Variants in ZSWIM6 observed in about 807,000 individuals in gnomAD.
ZSWIM6 encodes zinc finger SWIM domain-containing protein 6.
A neutral mutation model predicts 113.2 loss-of-function variants in ZSWIM6; 9 were observed. The ratio of observed to expected loss-of-function variants is 0.08; its 90% CI spans 0.05 to 0.14. The LOEUF (loss-of-function observed/expected upper bound fraction) is 0.14, where lower values mean the gene tolerates loss of function less well. Among genes scored for constraint, ZSWIM6 ranks in the 10% least tolerant of loss-of-function variants. The pLI is 1.00. For synonymous variants in ZSWIM6, 611 were observed against 606.5 expected (o/e 1.01, Z -0.11); for missense variants, 1,162 against 1,552.2 (o/e 0.75, Z 4.22).
intron 1 of ZSWIM6, among the ~76,000 whole-genome samples, chr5:61,385,878 C>T (rs1745583561): frequency 2.0e-5 from 3 of 152,252 alleles, no homozygotes; most frequent in Admixed American, 6.5e-5. Context: ...GGATTCGACT[C>T]ATGGCCAGCT....
intron 1 of ZSWIM6, among the ~76,000 whole-genome samples, chr5:61,431,600 C>G (rs1746582006): frequency 6.7e-6 from 1 of 150,328 alleles, no homozygotes; most frequent in African/African-American, 2.5e-5. Flanking sequence ...AAAAAATTAG[C>G]CGGGCGTGGT....
At chr5:61,346,453 T>C (rs1455796773) in intron 1 of ZSWIM6, among the ~76,000 whole-genome samples, 1 of 152,258 alleles carries the variant, frequency 6.6e-6, no homozygotes, top group Non-Finnish European at 1.5e-5. Flanking sequence ...AGCTGACCTA[T>C]TGATATCAAT....
intron 1 of ZSWIM6, among the ~76,000 whole-genome samples, chr5:61,400,586 A>G (rs970390016): frequency 2.0e-5 from 3 of 152,226 alleles, no homozygotes; most frequent in Admixed American, 2.0e-4. Flanking sequence ...ATTGCTCATC[A>G]GCAAGGCCTC....
intron 1 of ZSWIM6, among the ~76,000 whole-genome samples, chr5:61,433,700 C>T (rs1425421067): frequency 1.3e-5 from 2 of 152,022 alleles, no homozygotes; most frequent in Non-Finnish European, 2.9e-5. Flanking sequence ...TCTCAAACGC[C>T]CGACCTCAGG....
chr5:61,483,537 T>A (rs766756655), intron 2 of ZSWIM6, among the ~76,000 whole-genome samples: 1 of 152,144 alleles, frequency 6.6e-6, no homozygotes, highest in Non-Finnish European at 1.5e-5. Context: ...ATGTAAATTG[T>A]CCATTAAAGC....
In ZSWIM6 at chr5:61,429,313, G is replaced by C. The variant is rs553019711; in HGVS notation, c.677-43368G>C. ...AATTTACCTGTATTGTAGTGGCGAT[G>C]CTTAATTCAAGCCACAAGATGGTAG... is the stretch of plus-strand genomic sequence containing the variant. On this transcript the variant is annotated intron_variant, in intron 1 of 13. Transcript: ENST00000252744. Among the ~76,000 whole-genome samples, 9 of 152,328 alleles carry C rather than the reference G, an allele frequency of 5.9e-5. No individual in the cohort carries two copies. The South Asian group carries it at 1.9e-3, about 32-fold the overall frequency.
chr5:61,444,753 C>T (rs1205671356), intron 1 of ZSWIM6, among the ~76,000 whole-genome samples: 1 of 152,142 alleles, frequency 6.6e-6, no homozygotes, highest in African/African-American at 2.4e-5. Flanking sequence ...TCAGCCCTTA[C>T]AATCTCAAGT....
intron 12 of ZSWIM6, among the ~76,000 whole-genome samples, chr5:61,540,916 G>GTTTTTTTTTTTTTTT (rs34749703): frequency 2.1e-5 from 2 of 94,572 alleles, no homozygotes; most frequent in Non-Finnish European, 3.9e-5. Flanking sequence ...TATTTTGTGG[G>GTTTTTTTTTTTTTTT]TTTTTTTTTT....
chr5:61,496,583 G>A (rs1332363840), intron 4 of ZSWIM6, among the ~76,000 whole-genome samples: 2 of 152,016 alleles, frequency 1.3e-5, no homozygotes, highest in East Asian at 3.9e-4. Flanking sequence ...GAGTTTTGTC[G>A]GCAAATGGGA....
In ZSWIM6 at chr5:61,332,696, G is replaced by C; in HGVS notation, c.424G>C (p.Gly142Arg). The change falls in exon 1 of 14, where the codon GGT becomes CGT. Residue 142 changes from glycine to arginine, a missense_variant. Gly to Arg is a moderately radical substitution (Grantham distance 125, BLOSUM62 -2). Around this residue, in one of 4 missense-constraint regions of ZSWIM6, gnomAD observed 333 missense variants for 293.4 expected, o/e 1.13. Transcript: ENST00000252744. ...CGCGGGCGGCCCCGGCGACGACAGC[G>C]GTGGCGGCGGCGGCGCGGGCGGCGG... is the stretch of plus-strand genomic sequence containing the variant. Reference protein sequence around the residue: ...GAAGGPGDDSGGGGGAGGGGG... With the variant: ...GAAGGPGDDSRGGGGAGGGGG... 1.0e-6 allele frequency: 1 copy of C among 992,906 alleles called. No individual in the cohort carries two copies. 61.5% of individuals were successfully genotyped at this position (992,906 alleles called of 1,614,324 possible). A position where few individuals can be genotyped will look rare whatever the true frequency, so the allele number is the denominator to read the frequency against.
chr5:61,531,018 T>G (rs897647892), intron 8 of ZSWIM6, among the ~76,000 whole-genome samples: 1 of 152,214 alleles, frequency 6.6e-6, no homozygotes, highest in Non-Finnish European at 1.5e-5. Flanking sequence ...TGATGACTCT[T>G]GGATAATAAA....
intron 2 of ZSWIM6, among the ~76,000 whole-genome samples, chr5:61,489,583 C>T (rs1343068445): frequency 6.6e-6 from 1 of 152,006 alleles, no homozygotes; most frequent in African/African-American, 2.4e-5. Flanking sequence ...TATGAACACA[C>T]AGACACATAA....
chr5:61,336,107 A>G (rs1174919350), intron 1 of ZSWIM6, among the ~76,000 whole-genome samples: 1 of 152,044 alleles, frequency 6.6e-6, no homozygotes, highest in African/African-American at 2.4e-5. Context: ...TACCAAAAAT[A>G]GAAGAACTTA....
rs541773224 is a variant in ZSWIM6 at position 61,469,313 on chromosome 5, G to C, written c.677-3368G>C. ...ATTTAGAAATATTTCTGTCAAAAAT[G>C]GTTGAAATTTTTTGGGCATTTGAAA... On this transcript the variant is annotated intron_variant, in intron 1 of 13. Transcript: ENST00000252744. Among the ~76,000 whole-genome samples the C allele has an allele frequency of 4.3e-4, 66 of 152,258 alleles. 1 individual carries two copies. Among genetic ancestry groups the C allele is most frequent in the African/African-American group, 1.6e-3 (66 of 41,556 alleles).
Position 61,543,188 on chromosome 5 carries a change from GCAGCACAGTACAAATAC to G in ZSWIM6, c.2786-262_2786-246del, listed in dbSNP as rs1347083736. Among the ~76,000 whole-genome samples the G allele has an allele frequency of 6.6e-6, 1 of 152,014 alleles. No homozygotes were observed. Among genetic ancestry groups the G allele is most frequent in the Admixed American group, 6.6e-5 (1 of 15,250 alleles). ...AAAAAGCCATTGTCTGAAATGGCAA[GCAGCACAGTACAAATAC>G]CAGCTACCAAGAGGATTGGTTCTTT... On this transcript the variant is annotated intron_variant, in intron 13 of 13. Transcript: ENST00000252744. The surrounding 1 kb of genome is among the most constrained non-coding windows in gnomAD (Gnocchi z 4.3).
At chr5:61,358,131 G>A (rs1455414872) in intron 1 of ZSWIM6, among the ~76,000 whole-genome samples, 1 of 151,986 alleles carries the variant, frequency 6.6e-6, no homozygotes, top group Non-Finnish European at 1.5e-5. Context: ...TACTTTTCCA[G>A]TGTTCTCTTT....
chr5:61,473,638 A>G (rs1209699980), intron 2 of ZSWIM6, among the ~76,000 whole-genome samples: 3 of 152,210 alleles, frequency 2.0e-5, no homozygotes, highest in Non-Finnish European at 2.9e-5. Context: ...ACAAGAATAT[A>G]TAGGTGCAAC....
chr5:61,342,793 A>G (rs1050997231), intron 1 of ZSWIM6, among the ~76,000 whole-genome samples: 5 of 152,242 alleles, frequency 3.3e-5, no homozygotes, highest in African/African-American at 1.2e-4. Context: ...AATATTGATC[A>G]TCTTAACCAT....
chr5:61,389,554 C>CAAAAAAAA (rs60533774), intron 1 of ZSWIM6, among the ~76,000 whole-genome samples: 6 of 50,962 alleles, frequency 1.2e-4, no homozygotes, highest in Admixed American at 2.2e-4. Context: ...GACTCAGTCT[C>CAAAAAAAA]AAAAAAAAAA....
Sources: gnomAD v4.1 joint callset for allele counts (sites outside exome capture counted in the v4.1 genomes callset) on GRCh38, gnomAD v4.1.1 for gene constraint, gnomAD v4.1.1 regional missense constraint, Gnocchi (gnomAD v3.1) non-coding constraint, MANE v1.5 for transcripts, NCBI Gene and HGNC (gene_info 2026-07-23, HGNC 2026-07-21) for gene names.